CACHD1: variants seen among roughly 807,000 people sequenced by gnomAD.
CACHD1 encodes the protein VWFA and cache domain-containing protein 1.
Under a neutral mutation model 138.7 loss-of-function variants are expected in CACHD1, and 71 were observed. The ratio of observed to expected loss-of-function variants is 0.51; its 90% CI spans 0.42 to 0.62. The LOEUF is 0.62. Among genes scored for constraint, CACHD1 ranks in the 20% least tolerant of loss-of-function variants. CACHD1 has a pLI of 0.00. For missense variants in CACHD1, 1,389 were observed against 1,625.3 expected, an observed-to-expected ratio of 0.85 and a Z score of 2.50; for synonymous variants, 578 against 591.5, an observed-to-expected ratio of 0.98 and a Z score of 0.33.
At chr1:64,544,815 C>G (rs1203590965) in intron 1 of CACHD1, among the ~76,000 whole-genome samples, 1 of 152,020 alleles carries the variant, frequency 6.6e-6, no homozygotes, top group Non-Finnish European at 1.5e-5. Flanking sequence ...TGTAACATAC[C>G]TTTAGAACAT....
chr1:64,537,656 A>G (rs1646644000), intron 1 of CACHD1, among the ~76,000 whole-genome samples: 1 of 152,218 alleles, frequency 6.6e-6, no homozygotes, highest in Non-Finnish European at 1.5e-5. Context: ...AGGAGTTCCT[A>G]TCATTAGGAA....
chr1:64,685,785 C>G (rs1650348330), intron 26 of CACHD1, among the ~76,000 whole-genome samples: 2 of 151,640 alleles, frequency 1.3e-5, no homozygotes, highest in African/African-American at 2.4e-5. Context: ...TTGCAGTGAG[C>G]CATGTTAGCA....
At chr1:64,582,061 G>T (rs917257314) in intron 2 of CACHD1, 95 bp from the exon 3 acceptor site, 3 of 1,348,416 alleles carry the variant, frequency 2.2e-6, no homozygotes, top group Non-Finnish European at 3.1e-6. Flanking sequence ...TTTAATATAT[G>T]CAGCTTGTGA....
intron 25 of CACHD1, among the ~76,000 whole-genome samples, chr1:64,681,541 G>GTTTTGTTTTTTT (rs1553146853): frequency 1.6e-4 from 11 of 68,128 alleles, no homozygotes; most frequent in African/African-American, 8.1e-4. Flanking sequence ...ATTTTATTGT[G>GTTTTGTTTTTTT]TTTTTTTTTT....
rs956467605 is a variant in CACHD1 at position 64,691,367 on chromosome 1, T to C, written c.3631T>C (p.Cys1211Arg). The C allele has an allele frequency of 1.2e-6, 2 of 1,614,014 alleles. No individual in the cohort carries two copies. Among genetic ancestry groups the C allele is most frequent in the African/African-American group, 1.3e-5 (1 of 74,908 alleles). The stretch of plus-strand genomic sequence containing the variant: ...ACAGGAGGACAGTGAAAATCCTCCA[T>C]GCAACAATGACCCCTTGTCAGCCGG... ...SPQEDSENPP[C>R]NNDPLSAGVD... is the part of the protein sequence containing the mutation. Residue 1211 changes from cysteine (C) to arginine (R), a missense_variant, in exon 27 of 27, where the codon TGC becomes CGC. Physicochemically the swap from Cys to Arg is radical, Grantham distance 180. This residue lies in a region of CACHD1 where 11 missense variants were observed against 32.5 expected (regional missense o/e 0.34). Coordinates refer to ENST00000651257, the MANE Select transcript of CACHD1 (RefSeq NM_020925.4).
chr1:64,592,801 C>T (rs1647117760), intron 3 of CACHD1, among the ~76,000 whole-genome samples: 1 of 152,110 alleles, frequency 6.6e-6, no homozygotes, highest in African/African-American at 2.4e-5. Flanking sequence ...AGTTGCTTGT[C>T]AAGTTGGGCC....
chr1:64,580,560 T>G (rs1249341210), intron 2 of CACHD1, among the ~76,000 whole-genome samples: 1 of 152,166 alleles, frequency 6.6e-6, no homozygotes, highest in African/African-American at 2.4e-5. Context: ...GCTAAAGATT[T>G]TTAGAGGACC....
intron 1 of CACHD1, among the ~76,000 whole-genome samples, chr1:64,511,460 A>G (rs1208417964): frequency 6.6e-6 from 1 of 152,204 alleles, no homozygotes; most frequent in Non-Finnish European, 1.5e-5. Flanking sequence ...ATAAACAACC[A>G]TCAGGTTCCA....
intron 2 of CACHD1, among the ~76,000 whole-genome samples, chr1:64,551,785 A>G (rs953950807): frequency 1.3e-5 from 2 of 152,214 alleles, no homozygotes; most frequent in African/African-American, 4.8e-5. Flanking sequence ...GGTTAAATAT[A>G]GAGGATATAA....
chr1:64,487,593 C>T (rs1254427927), intron 1 of CACHD1, among the ~76,000 whole-genome samples: 2 of 152,028 alleles, frequency 1.3e-5, no homozygotes, highest in Non-Finnish European at 2.9e-5. Context: ...TGATTTTGAT[C>T]ATTTTGGCTA....
At chr1:64,580,125 T>C (rs1276210387) in intron 2 of CACHD1, among the ~76,000 whole-genome samples, 1 of 152,140 alleles carries the variant, frequency 6.6e-6, no homozygotes, top group Non-Finnish European at 1.5e-5. Flanking sequence ...AATGAGTGAA[T>C]AGTCCTCTCT....
rs1038819967 is a variant in CACHD1, at chr1:64,476,381, T to A, written c.198+5439T>A. On this transcript the variant is annotated intron_variant, in intron 1 of 26. Coordinates refer to ENST00000651257, the MANE Select transcript of CACHD1 (RefSeq NM_020925.4). ...ATTTGCAGTCATGTTTGGTAAGATG[T>A]GTAATTTCCTCTAAATCACATGCAT... 7.9e-5 allele frequency among the ~76,000 whole-genome samples: 12 copies of A among 152,382 alleles called. No individual in the cohort carries two copies. The South Asian group carries it at 1.4e-3, about 18-fold the overall frequency.
chr1:64,629,267 C>T (rs1275373565), intron 4 of CACHD1, 88 bp from the exon 5 acceptor site: 2 of 1,390,244 alleles, frequency 1.4e-6, no homozygotes, highest in Non-Finnish European at 2.0e-6. Flanking sequence ...ATACTAGAAG[C>T]AGTTTATGCA....
intron 7 of CACHD1, among the ~76,000 whole-genome samples, chr1:64,640,462 G>A (rs1648669086): frequency 6.6e-6 from 1 of 152,124 alleles, no homozygotes; most frequent in African/African-American, 2.4e-5. Flanking sequence ...GATCATTTGA[G>A]GTCAGGAGTT....
At chr1:64,471,768 C>T (rs927326984) in intron 1 of CACHD1, among the ~76,000 whole-genome samples, 1 of 152,166 alleles carries the variant, frequency 6.6e-6, no homozygotes, top group African/African-American at 2.4e-5. Context: ...TTATCATGTC[C>T]GTCCTCCTCG....
At chr1:64,642,856 A>C (rs10789162) in intron 8 of CACHD1, among the ~76,000 whole-genome samples, 8 of 149,898 alleles carry the variant, frequency 5.3e-5, no homozygotes, top group Non-Finnish European at 1.2e-4. Context: ...CTGGCCAACA[A>C]TGTGAAACCT....
chr1:64,594,394 A>C lies in CACHD1; in HGVS notation c.411-8412A>C, dbSNP rs78425857. On this transcript the variant is annotated intron_variant, in intron 3 of 26. Coordinates refer to ENST00000651257, the MANE Select transcript of CACHD1 (RefSeq NM_020925.4). ...GTAAAATTAGAATGGCTCATCTGCC[A>C]AGTGAAATGCTAAACTATGTGTTCC... Among the ~76,000 whole-genome samples, 914 of 152,294 alleles carry C rather than the reference A, an allele frequency of 6.0e-3. 13 individuals are homozygous for C. Among genetic ancestry groups the C allele is most frequent in the African/African-American group, 0.021 (863 of 41,560 alleles).
At chr1:64,656,451 T>C (rs1428329731) in intron 12 of CACHD1, among the ~76,000 whole-genome samples, 1 of 152,090 alleles carries the variant, frequency 6.6e-6, no homozygotes, top group Non-Finnish European at 1.5e-5. Context: ...AAAACAGACT[T>C]TTGTGTTTGA....
chr1:64,581,850 AAC>A (rs1647015316), intron 2 of CACHD1, among the ~76,000 whole-genome samples: 1 of 152,340 alleles, frequency 6.6e-6, no homozygotes, highest in Admixed American at 6.5e-5. Flanking sequence ...CAATAATGTC[AAC>A]AGTCTTTGTT....
Sources: allele counts gnomAD v4.1 joint callset (sites outside exome capture counted in the v4.1 genomes callset), GRCh38; gene constraint gnomAD v4.1.1; regional missense constraint gnomAD v4.1.1; transcripts MANE v1.5; gene names NCBI Gene and HGNC (gene_info 2026-07-23, HGNC 2026-07-21).